The following BAG4 variants were observed in gnomAD, a reference collection of about 807,000 sequenced individuals.
BAG4 encodes the protein BAG cochaperone 4, also known as BAG family molecular chaperone regulator 4.
BAG4 carries 28 observed loss-of-function variants against 52.1 expected under a neutral mutation model. The ratio of observed to expected loss-of-function variants is 0.54; its 90% CI spans 0.40 to 0.74. The LOEUF is 0.74. BAG4 is among the 30% of genes least tolerant of loss of function. BAG4 has a pLI of 0.00. For missense variants in BAG4, 525 were observed against 572.0 expected (o/e 0.92, Z 0.84); for synonymous variants, 208 against 217.0 (o/e 0.96, Z 0.37).
chr8:38,181,890 A>G (rs1450274456), intron 1 of BAG4, among the ~76,000 whole-genome samples: 5 of 137,272 alleles, frequency 3.6e-5, no homozygotes, highest in Non-Finnish European at 7.6e-5. Context: ...CTATCTCAAA[A>G]AAAAAAAAAA....
chr8:38,200,813 G>A (rs781339084), intron 2 of BAG4, among the ~76,000 whole-genome samples: 1 of 151,826 alleles, frequency 6.6e-6, no homozygotes, highest in African/African-American at 2.4e-5. Flanking sequence ...GGTCAGGCTG[G>A]TCTCGAACTC....
At chr8:38,208,927 G>A in intron 3 of BAG4, 86 bp from the exon 4 acceptor site, 1 of 1,443,600 alleles carries the variant, frequency 6.9e-7, no homozygotes, top group East Asian at 2.3e-5. Flanking sequence ...TAAGAAGAGA[G>A]GAAGCATCTC....
chr8:38,181,680 T>C (rs1483214871), intron 1 of BAG4, among the ~76,000 whole-genome samples: 11 of 150,944 alleles, frequency 7.3e-5, no homozygotes, highest in Admixed American at 3.3e-4. Flanking sequence ...GAGGTTGTAG[T>C]GAGCCGAGAT....
chr8:38,203,286 TTTTTTTTC>T (rs1010312040), intron 2 of BAG4, among the ~76,000 whole-genome samples: 1 of 127,408 alleles, frequency 7.8e-6, no homozygotes, highest in East Asian at 2.4e-4. Context: ...GAGGAATTTT[TTTTTTTTC>T]TTTTTTTGGA....
chr8:38,195,707 T>A (rs1001189968), intron 2 of BAG4, among the ~76,000 whole-genome samples: 12 of 152,194 alleles, frequency 7.9e-5, no homozygotes, highest in Non-Finnish European at 1.6e-4. Flanking sequence ...GTCAGCCTCA[T>A]CCCTGTGACT....
rs891036430 is a variant in BAG4, at chr8:38,211,633, ATAGT to A, written c.*1144_*1147del. ...TTCATGCTCAGGGAATGAATCAGCC[ATAGT>A]TAGAGTGGGAAATTATTATTTTCTT... On this transcript the variant is annotated 3_prime_UTR_variant, in exon 5 of 5. Coordinates refer to ENST00000287322, the MANE Select transcript of BAG4 (RefSeq NM_004874.4). 17 of 152,126 alleles carry A rather than the reference ATAGT, an allele frequency of 1.1e-4. No individual in the cohort carries two copies. The highest frequency in any genetic ancestry group is 3.9e-4 in the African/African-American group (16 of 41,462). The allele number at this position is 152,126 out of a possible 1,614,324, so 9.4% of individuals were successfully genotyped here.
chr8:38,190,486 A>G (rs542414918), intron 1 of BAG4, among the ~76,000 whole-genome samples: 37 of 152,152 alleles, frequency 2.4e-4, no homozygotes, highest in South Asian at 2.3e-3. Flanking sequence ...CAGTAGCACA[A>G]TCATAGATCA....
chr8:38,209,418 C>T, intron 4 of BAG4, 151 bp downstream of exon 4: 6 of 1,000,102 alleles, frequency 6.0e-6, no homozygotes, highest in East Asian at 5.7e-5. Context: ...AGCTCGGTTT[C>T]CTTTTTCTTT....
At chr8:38,204,050 C>CT (rs1803728043) in intron 2 of BAG4, 1 of 152,154 alleles carries the variant, frequency 6.6e-6, no homozygotes. Context: ...TAACAAACAT[C>CT]TTTAGCAACT....
chr8:38,189,402 A>C (rs948069450), intron 1 of BAG4, among the ~76,000 whole-genome samples: 1 of 152,222 alleles, frequency 6.6e-6, no homozygotes, highest in Non-Finnish European at 1.5e-5. Context: ...CGTACAGTCA[A>C]AATAACGTGA....
At chr8:38,192,576 G>A in intron 1 of BAG4, 112 bp from the exon 2 acceptor site, 1 of 845,662 alleles carries the variant, frequency 1.2e-6, no homozygotes, top group Non-Finnish European at 1.8e-6. Flanking sequence ...CCAGCTTATT[G>A]CTTTTTGTCT....
At chr8:38,183,812 C>T (rs557203174) in intron 1 of BAG4, among the ~76,000 whole-genome samples, 10 of 151,842 alleles carry the variant, frequency 6.6e-5, no homozygotes, top group Non-Finnish European at 1.5e-4. Context: ...CGTGAGCTAC[C>T]GTGCCTGGCA....
At chr8:38,185,110 A>T (rs1437398909) in intron 1 of BAG4, among the ~76,000 whole-genome samples, 1 of 150,944 alleles carries the variant, frequency 6.6e-6, no homozygotes, top group East Asian at 1.9e-4. Context: ...AAAAAAATAG[A>T]ATGCTGTGTT....
chr8:38,178,224 C>A (rs1003339861), intron 1 of BAG4, among the ~76,000 whole-genome samples: 1 of 150,020 alleles, frequency 6.7e-6, no homozygotes, highest in African/African-American at 2.5e-5. Context: ...GGTGCCATCT[C>A]GGCTCACTGC....
chr8:38,201,965 G>C (rs1803687591), intron 2 of BAG4: 1 of 136,454 alleles, frequency 7.3e-6, no homozygotes, highest in Non-Finnish European at 1.5e-5. Context: ...TGATTAGCCT[G>C]CCATGTGCCA....
At chr8:38,179,984 G>A (rs1235326696) in intron 1 of BAG4, among the ~76,000 whole-genome samples, 1 of 152,152 alleles carries the variant, frequency 6.6e-6, no homozygotes, top group Non-Finnish European at 1.5e-5. Context: ...GAGTTAGGGA[G>A]GGTTGGATAG....
At chr8:38,205,233 T>G (rs1361097129) in intron 2 of BAG4, among the ~76,000 whole-genome samples, 3 of 128,888 alleles carry the variant, frequency 2.3e-5, no homozygotes, top group Non-Finnish European at 5.0e-5. Flanking sequence ...TTTTTTTTTG[T>G]AGAGATGAGG....
At chr8:38,181,761 C>T (rs540965133) in intron 1 of BAG4, among the ~76,000 whole-genome samples, 31 of 151,188 alleles carry the variant, frequency 2.1e-4, no homozygotes, top group African/African-American at 7.0e-4. Flanking sequence ...AAAAATTAGC[C>T]GGGCGTGGTG....
At chr8:38,203,082 G>A (rs1803708192) in intron 2 of BAG4, 1 of 152,086 alleles carries the variant, frequency 6.6e-6, no homozygotes, top group African/African-American at 2.4e-5. Context: ...GCATACCATA[G>A]ATAATCATCC....
Sources: gnomAD v4.1 joint callset for allele counts (sites outside exome capture counted in the v4.1 genomes callset) on GRCh38, gnomAD v4.1.1 for gene constraint, MANE v1.5 for transcripts, NCBI Gene and HGNC (gene_info 2026-07-23, HGNC 2026-07-21) for gene names.